The following PGAP1 variants were observed in gnomAD, a reference collection of about 807,000 sequenced individuals.
PGAP1 encodes the protein post-GPI attachment to proteins inositol deacylase 1, also known as GPI inositol-deacylase.
In PGAP1, 76 loss-of-function variants were observed where a neutral mutation model predicts 127.0. That is an observed-to-expected ratio of 0.60 (90% CI 0.50 to 0.72). The LOEUF (loss-of-function observed/expected upper bound fraction) is 0.72, where lower values mean the gene tolerates loss of function less well. PGAP1 is among the 30% of genes least tolerant of loss of function. PGAP1 has a pLI of 0.00. For synonymous variants in PGAP1, 362 were observed against 366.5 expected, an observed-to-expected ratio of 0.99 and a Z score of 0.14; for missense variants, 982 against 1,071.3, an observed-to-expected ratio of 0.92 and a Z score of 1.16.
intron 23 of PGAP1, among the ~76,000 whole-genome samples, chr2:196,845,460 G>T (rs1340113553): frequency 1.3e-5 from 2 of 150,308 alleles, no homozygotes; most frequent in East Asian, 3.9e-4. Context: ...TGATCCTTCA[G>T]CAACATTTGT....
rs541993766 is a variant in PGAP1 at position 196,903,715 on chromosome 2, C to A, written c.650-973G>T. ...ACTATGCTGCTGCTGTGGAAAACCT[C>A]AGGGTTAGGGTTCAACCCATTTATT... On this transcript the variant is annotated intron_variant, in intron 4 of 26. Transcript: ENST00000354764. 2.0e-5 allele frequency among the ~76,000 whole-genome samples: 3 copies of A among 152,264 alleles called. No individual in the cohort carries two copies. The South Asian group carries it at 6.2e-4, about 32-fold the overall frequency.
intron 4 of PGAP1, among the ~76,000 whole-genome samples, chr2:196,905,270 C>T (rs1702656882): frequency 6.6e-6 from 1 of 152,162 alleles, no homozygotes; most frequent in Non-Finnish European, 1.5e-5. Context: ...TTCTCAATTA[C>T]GGTGACAAGT....
chr2:196,912,488 G>A (rs993408358), intron 4 of PGAP1, among the ~76,000 whole-genome samples: 1 of 149,604 alleles, frequency 6.7e-6, no homozygotes, highest in East Asian at 2.0e-4. Context: ...GCTGAAGCAC[G>A]AGAATCGCTT....
chr2:196,879,071 T>G (rs894644765), intron 13 of PGAP1, among the ~76,000 whole-genome samples: 1 of 152,156 alleles, frequency 6.6e-6, no homozygotes, highest in East Asian at 1.9e-4. Flanking sequence ...TTTTATTTTA[T>G]TTCATTTTAA....
intron 20 of PGAP1, among the ~76,000 whole-genome samples, chr2:196,850,291 T>C (rs1254468121): frequency 6.6e-6 from 1 of 152,210 alleles, no homozygotes; most frequent in African/African-American, 2.4e-5. Flanking sequence ...CATTATAATC[T>C]CAATTATTCC....
chr2:196,901,096 A>T (rs955120583), intron 5 of PGAP1, among the ~76,000 whole-genome samples: 1 of 152,252 alleles, frequency 6.6e-6, no homozygotes, highest in Non-Finnish European at 1.5e-5. Flanking sequence ...GACAAGGTCC[A>T]GGAAATAAGT....
intron 4 of PGAP1, among the ~76,000 whole-genome samples, chr2:196,907,035 T>C (rs1243897080): frequency 2.8e-4 from 37 of 130,768 alleles, no homozygotes; most frequent in African/African-American, 1.1e-3. Flanking sequence ...CTGCAGGATA[T>C]TATCCAGGAG....
At chr2:196,914,334 T>G (rs1025750673) in intron 3 of PGAP1, among the ~76,000 whole-genome samples, 2 of 152,144 alleles carry the variant, frequency 1.3e-5, no homozygotes, top group African/African-American at 4.8e-5. Flanking sequence ...TAAAAGCAAG[T>G]TGCAGGCCAG....
intron 1 of PGAP1, among the ~76,000 whole-genome samples, chr2:196,924,211 C>T (rs1243057093): frequency 6.6e-6 from 1 of 152,072 alleles, no homozygotes; most frequent in East Asian, 1.9e-4. Context: ...CTTTCTATTT[C>T]TGCTGGCTAA....
chr2:196,888,210 G>A (rs771091451), intron 10 of PGAP1, among the ~76,000 whole-genome samples: 25 of 152,078 alleles, frequency 1.6e-4, no homozygotes, highest in Non-Finnish European at 3.1e-4. Context: ...AAAGTATACA[G>A]GAAAGAAAAT....
chr2:196,882,583 T>G (rs1701766600), intron 12 of PGAP1, among the ~76,000 whole-genome samples: 2 of 152,226 alleles, frequency 1.3e-5, no homozygotes. Flanking sequence ...ATCAGTTGTA[T>G]TCCTAGGTCT....
rs1362913511 is a variant in PGAP1, at chr2:196,840,769, C to T, written c.*465G>A. 2 of 152,310 alleles carry T rather than the reference C, an allele frequency of 1.3e-5. No individual in the cohort carries two copies. The highest frequency in any genetic ancestry group is 2.9e-5 in the Non-Finnish European group (2 of 68,156). 9.4% of individuals were successfully genotyped at this position (152,310 alleles called of 1,614,324 possible). Reference sequence around the variant, plus strand: ...ATTTAACCTTTGAGAAACCAAACAGCTATAAATTTCATCAGTTATTTAAAG... The same window carrying T: ...ATTTAACCTTTGAGAAACCAAACAGTTATAAATTTCATCAGTTATTTAAAG... On this transcript the variant is annotated 3_prime_UTR_variant, in exon 27 of 27. Coordinates refer to ENST00000354764, the MANE Select transcript of PGAP1 (RefSeq NM_024989.4).
At chr2:196,870,021 T>C (rs1425245459) in intron 19 of PGAP1, among the ~76,000 whole-genome samples, 3 of 152,310 alleles carry the variant, frequency 2.0e-5, no homozygotes, top group South Asian at 4.1e-4. Flanking sequence ...TCAATTGTTA[T>C]CTTATTTATG....
intron 19 of PGAP1, among the ~76,000 whole-genome samples, chr2:196,869,614 G>A (rs375773525): frequency 2.6e-5 from 4 of 152,282 alleles, no homozygotes; most frequent in Non-Finnish European, 5.9e-5. Flanking sequence ...GATTACAGGC[G>A]TGAGCCACCG....
intron 19 of PGAP1, among the ~76,000 whole-genome samples, chr2:196,865,479 T>C (rs773666079): frequency 3.9e-5 from 6 of 152,134 alleles, no homozygotes; most frequent in Non-Finnish European, 7.4e-5. Flanking sequence ...AGAGCCCAAC[T>C]AACTTGTATA....
chr2:196,904,788 T>C (rs1446740404), intron 4 of PGAP1, among the ~76,000 whole-genome samples: 1 of 151,866 alleles, frequency 6.6e-6, no homozygotes, highest in African/African-American at 2.4e-5. Flanking sequence ...GAAGTAAAGA[T>C]ACAGGCTCCA....
intron 4 of PGAP1, among the ~76,000 whole-genome samples, chr2:196,911,849 C>G: frequency 6.6e-6 from 1 of 152,214 alleles, no homozygotes; most frequent in Admixed American, 6.5e-5. Flanking sequence ...ATCACAAACT[C>G]CTACTTTTCA....
intron 4 of PGAP1, 146 bp from the exon 5 acceptor site, chr2:196,902,888 T>G (rs1286319523): frequency 1.8e-6 from 1 of 545,284 alleles, no homozygotes; most frequent in Non-Finnish European, 3.1e-6. Context: ...ATTTCCCTAT[T>G]TTCAGTAAAA....
chr2:196,901,622 G>A (rs1042125249), intron 5 of PGAP1, among the ~76,000 whole-genome samples: 1 of 152,176 alleles, frequency 6.6e-6, no homozygotes, highest in Non-Finnish European at 1.5e-5. Context: ...AAATACACAT[G>A]AAAGAAGTCC....
Sources: allele counts gnomAD v4.1 joint callset (sites outside exome capture counted in the v4.1 genomes callset), GRCh38; gene constraint gnomAD v4.1.1; transcripts MANE v1.5; gene names NCBI Gene and HGNC (gene_info 2026-07-23, HGNC 2026-07-21).